The following FAM149A variants were observed in gnomAD, a reference collection of about 807,000 sequenced individuals.
FAM149A encodes the protein family with sequence similarity 149 member A.
In FAM149A, 71 loss-of-function variants were observed where a neutral mutation model predicts 78.2. The ratio of observed to expected loss-of-function variants is 0.91; its 90% CI spans 0.75 to 1.11. The LOEUF is 1.11. Among genes scored for constraint, FAM149A ranks in the 50% least tolerant of loss-of-function variants. The probability of loss-of-function intolerance (pLI) is 0.00; values close to 1 mark genes in which losing one functional copy is unlikely to be tolerated. For missense variants in FAM149A, 1,036 were observed against 971.0 expected (o/e 1.07, Z -0.89); for synonymous variants, 446 against 410.5 (o/e 1.09, Z -1.04).
At chr4:186,168,059 G>T (rs1735209678) in intron 13 of FAM149A, among the ~76,000 whole-genome samples, 1 of 152,178 alleles carries the variant, frequency 6.6e-6, no homozygotes, top group African/African-American at 2.4e-5. Context: ...TTGTTTTACA[G>T]GGAATTTTAA....
intron 1 of FAM149A, among the ~76,000 whole-genome samples, chr4:186,142,817 G>T (rs2099326403): frequency 6.6e-6 from 1 of 152,130 alleles, no homozygotes; most frequent in African/African-American, 2.4e-5. Flanking sequence ...ACCCCACGGG[G>T]AGCAGAAGAA....
In FAM149A at chr4:186,172,727, C is replaced by T. The variant is rs1242945800; in HGVS notation, c.*740C>T. 8.9e-6 allele frequency: 1 copy of T among 111,934 alleles called. No homozygotes were observed. The highest frequency in any genetic ancestry group is 2.3e-5 in the Non-Finnish European group (1 of 44,322). The allele number at this position is 111,934 out of a possible 1,614,324, so 6.9% of individuals were successfully genotyped here. On this transcript the variant is annotated 3_prime_UTR_variant, in exon 14 of 14. Coordinates refer to ENST00000389354, the MANE Select transcript of FAM149A (RefSeq NM_001367768.3). ...TCCTCCATGGGAGGGGAGCCTCCCA[C>T]CCTCCACGTGCCATCAGGAGCTGGC...
At position 186,149,266 on chromosome 4, in the gene FAM149A, C is replaced by T; in HGVS notation, c.660C>T (p.Ala220=). ...ATTTTACAAGAAATGTGCAGAAAGC[C>T]ATTGATAAATATACCTGGTAAGAAT... is the stretch of plus-strand genomic sequence containing the variant. The change falls in exon 2 of 14, where the codon GCC becomes GCT. Residue 220 remains alanine (A), a synonymous_variant. Coordinates refer to ENST00000389354, the MANE Select transcript of FAM149A (RefSeq NM_001367768.3). 7.8e-7 allele frequency: 1 copy of T among 1,288,380 alleles called. No homozygotes were observed. The highest frequency in any genetic ancestry group is 1.2e-5 in the South Asian group (1 of 80,420). The allele number at this position is 1,288,380 out of a possible 1,614,324, so 79.8% of individuals were successfully genotyped here.
intron 10 of FAM149A, 88 bp from the exon 11 acceptor site, chr4:186,165,256 C>G (rs1275728737): frequency 1.4e-6 from 2 of 1,467,796 alleles, no homozygotes; most frequent in African/African-American, 2.8e-5. Flanking sequence ...CACGCAGAAA[C>G]ATTGAAATCA....
In FAM149A at chr4:186,166,921, T is replaced by G. The variant is rs147333796; in HGVS notation, c.2011-47T>G. Reference sequence around the variant, plus strand: ...ATGTCGAGATTTTCTTTTGTGTTTTTAAGGATTGCATTTATTTTAAACAAG... The same window carrying G: ...ATGTCGAGATTTTCTTTTGTGTTTTGAAGGATTGCATTTATTTTAAACAAG... On this transcript the variant is annotated intron_variant, in intron 11 of 13. Coordinates refer to ENST00000389354, the MANE Select transcript of FAM149A (RefSeq NM_001367768.3). 808 of 1,575,192 alleles carry G rather than the reference T, an allele frequency of 5.1e-4. 6 individuals carry two copies. In the African/African-American group the frequency reaches 9.1e-3, roughly 18 times the overall value.
At position 186,158,375 on chromosome 4, in the gene FAM149A, A is replaced by G. The variant is rs115329994; in HGVS notation, c.1575+656A>G. ...GTGGAAGTCGCCATCCCGTGCAACA[A>G]GGGAGCTCACTCAGTGGGCCTGAAG... On this transcript the variant is annotated intron_variant, in intron 8 of 13. Transcript: ENST00000389354. 800 of 1,205,816 alleles carry G rather than the reference A, an allele frequency of 6.6e-4. 5 individuals carry two copies. In the African/African-American group the frequency reaches 0.012, roughly 18 times the overall value. 74.7% of individuals were successfully genotyped at this position (1,205,816 alleles called of 1,614,324 possible).
intron 4 of FAM149A, among the ~76,000 whole-genome samples, 154 bp downstream of exon 4, chr4:186,152,199 C>T (rs1392064384): frequency 2.0e-5 from 3 of 152,216 alleles, no homozygotes; most frequent in African/African-American, 7.2e-5. Context: ...TCACTTTCCT[C>T]TTACGGCGTC....
chr4:186,115,504 T>G (rs202177863), intron 1 of FAM149A, among the ~76,000 whole-genome samples: 7,447 of 63,744 alleles, frequency 0.12, 566 homozygotes, highest in Admixed American at 0.16. Flanking sequence ...TTCTGTTCTG[T>G]TTTTTCCCCA....
Position 186,132,708 on chromosome 4 carries a change from A to G in FAM149A, c.567-16465A>G, listed in dbSNP as rs115976523. Among the ~76,000 whole-genome samples, 718 of 152,332 alleles carry G rather than the reference A, an allele frequency of 4.7e-3. 5 individuals are homozygous for G. The highest frequency in any genetic ancestry group is 0.016 in the African/African-American group (681 of 41,564). On this transcript the variant is annotated intron_variant, in intron 1 of 13. Coordinates refer to ENST00000389354, the MANE Select transcript of FAM149A (RefSeq NM_001367768.3). The stretch of plus-strand genomic sequence containing the variant: ...AATTCGGTGCTTGTCCAGGCTTAGT[A>G]CATCTGCTCTTTATGCAAGATAAGG...
intron 1 of FAM149A, among the ~76,000 whole-genome samples, chr4:186,133,896 TC>T (rs2099321791): frequency 6.6e-6 from 1 of 152,180 alleles, no homozygotes; most frequent in Admixed American, 6.5e-5. Flanking sequence ...GCTCAAGTGA[TC>T]AGCCCACCTC....
chr4:186,125,883 G>A (rs1231863662), intron 1 of FAM149A: 15 of 985,232 alleles, frequency 1.5e-5, no homozygotes, highest in Non-Finnish European at 1.8e-5. Flanking sequence ...GGAATCACAC[G>A]AACGAGTGTG....
At chr4:186,109,631 A>C (rs1288744942) in intron 1 of FAM149A, 59 of 984,662 alleles carry the variant, frequency 6.0e-5, no homozygotes, top group Non-Finnish European at 7.1e-5. Context: ...CCAGAAATTA[A>C]TTGAAATAAT....
At chr4:186,137,349 T>C (rs2099323862) in intron 1 of FAM149A, among the ~76,000 whole-genome samples, 1 of 152,104 alleles carries the variant, frequency 6.6e-6, no homozygotes, top group Non-Finnish European at 1.5e-5. Flanking sequence ...TACATTGGTC[T>C]CTGGCTCTAA....
chr4:186,116,728 G>T, intron 1 of FAM149A: 1 of 977,698 alleles, frequency 1.0e-6, no homozygotes, highest in Middle Eastern at 5.3e-4. Context: ...CTTCTGAGTA[G>T]CTGGGATATA....
rs1430911250 is a variant in FAM149A, at chr4:186,105,448, G to C, written c.372G>C (p.Val124=). The change falls in exon 1 of 14, where the codon GTG becomes GTC. Residue 124 remains valine, a synonymous_variant. Transcript: ENST00000389354. ...GGGGCTGCTCCCCTGCTCGCCTGGT[G>C]GTCCCAGCGCGGCCGCCCTCGGGCC... 3 of 1,215,874 alleles carry C rather than the reference G, an allele frequency of 2.5e-6. No homozygotes were observed. The highest frequency in any genetic ancestry group is 3.1e-6 in the Non-Finnish European group (3 of 958,854). The allele number at this position is 1,215,874 out of a possible 1,614,324, so 75.3% of individuals were successfully genotyped here.
In FAM149A at chr4:186,162,958, A is replaced by G; in HGVS notation, c.1679+10A>G. 6.6e-7 allele frequency: 1 copy of G among 1,516,016 alleles called. No individual in the cohort carries two copies. Among genetic ancestry groups the G allele is most frequent in the Non-Finnish European group, 9.1e-7 (1 of 1,093,068 alleles). The allele number at this position is 1,516,016 out of a possible 1,614,324, so 93.9% of individuals were successfully genotyped here. On this transcript the variant is annotated intron_variant, in intron 9 of 13. Transcript: ENST00000389354. ...TTGCTGACAGAACGCAGTACGTATC[A>G]GAATCAGTAGTAGTTACCCAGCCTC...
chr4:186,137,968 ATTG>A (rs1279376212), intron 1 of FAM149A, among the ~76,000 whole-genome samples: 1 of 152,118 alleles, frequency 6.6e-6, no homozygotes, highest in Non-Finnish European at 1.5e-5. Flanking sequence ...AAAACATGAT[ATTG>A]TTTTATTAGT....
chr4:186,156,598 C>G (rs1427903321), intron 7 of FAM149A, among the ~76,000 whole-genome samples: 3 of 151,902 alleles, frequency 2.0e-5, no homozygotes, highest in Non-Finnish European at 2.9e-5. Context: ...TGCTTGAACC[C>G]AGGAGGTGGA....
At position 186,164,095 on chromosome 4, in the gene FAM149A, C is replaced by T. The variant is rs1013073038; in HGVS notation, c.1889+462C>T. Among the ~76,000 whole-genome samples, 7 of 152,172 alleles carry T rather than the reference C, an allele frequency of 4.6e-5. 1 individual carries two copies. Among genetic ancestry groups the T allele is most frequent in the Admixed American group, 2.0e-4 (3 of 15,276 alleles). On this transcript the variant is annotated intron_variant, in intron 10 of 13. Coordinates refer to ENST00000389354, the MANE Select transcript of FAM149A (RefSeq NM_001367768.3). The surrounding 1 kb of genome is among the most constrained non-coding windows in gnomAD (Gnocchi z 4.0). ...GCTGTTGATTGCAGGATTCACATCCCGTCATGGCCTCGTTAGAAAGGTGCC... is the reference window on the plus strand; with the variant it reads ...GCTGTTGATTGCAGGATTCACATCCTGTCATGGCCTCGTTAGAAAGGTGCC...
Sources: allele counts gnomAD v4.1 joint callset (sites outside exome capture counted in the v4.1 genomes callset), GRCh38; gene constraint gnomAD v4.1.1; non-coding constraint Gnocchi (gnomAD v3.1); transcripts MANE v1.5; gene names NCBI Gene and HGNC (gene_info 2026-07-23, HGNC 2026-07-21).